STX8: variants seen among roughly 807,000 people sequenced by gnomAD.
STX8 encodes syntaxin-8.
Under a neutral mutation model 37.5 loss-of-function variants are expected in STX8, and 23 were observed. That is an observed-to-expected ratio of 0.61 (90% CI 0.44 to 0.87). STX8 has a LOEUF of 0.87. Among genes scored for constraint, STX8 ranks in the 40% least tolerant of loss-of-function variants. STX8 has a pLI of 0.00. For missense variants in STX8, 313 were observed against 284.7 expected (o/e 1.10, Z -0.71); for synonymous variants, 115 against 99.1 (o/e 1.16, Z -0.95).
intron 6 of STX8, among the ~76,000 whole-genome samples, chr17:9,455,209 A>G (rs1442461407): frequency 1.3e-5 from 2 of 151,794 alleles, no homozygotes; most frequent in African/African-American, 4.8e-5. Context: ...CTCTTAAAAA[A>G]CAAAACAAGG....
intron 6 of STX8, among the ~76,000 whole-genome samples, chr17:9,421,715 A>G (rs1913437630): frequency 6.6e-6 from 1 of 152,080 alleles, no homozygotes; most frequent in Non-Finnish European, 1.5e-5. Context: ...CCTCACTCCA[A>G]AAGGAAACCC....
At chr17:9,340,131 T>A (rs1432301660) in intron 7 of STX8, among the ~76,000 whole-genome samples, 1 of 152,242 alleles carries the variant, frequency 6.6e-6, no homozygotes, top group African/African-American at 2.4e-5. Flanking sequence ...AAATAGTTCA[T>A]TTGGAATGTG....
chr17:9,499,801 G>A (rs1291980176), intron 5 of STX8, among the ~76,000 whole-genome samples: 3 of 152,230 alleles, frequency 2.0e-5, no homozygotes, highest in Admixed American at 1.3e-4. Flanking sequence ...CCACAGGCCA[G>A]CAGGCTTCCC....
chr17:9,302,321 T>C (rs1441778361), intron 7 of STX8, among the ~76,000 whole-genome samples: 1 of 152,186 alleles, frequency 6.6e-6, no homozygotes, highest in Non-Finnish European at 1.5e-5. Context: ...TGGCAGACAT[T>C]TGCCTATTTA....
In STX8 at chr17:9,506,407, T is replaced by TCCCCCCCCCCCCCCCCCCCCC. The variant is rs57490676; in HGVS notation, c.324-1246_324-1245insGGGGGGGGGGGGGGGGGGGGG. Among the ~76,000 whole-genome samples, 13 of 39,356 alleles carry TCCCCCCCCCCCCCCCCCCCCC rather than the reference T, an allele frequency of 3.3e-4. 4 individuals are homozygous for TCCCCCCCCCCCCCCCCCCCCC. Among genetic ancestry groups the TCCCCCCCCCCCCCCCCCCCCC allele is most frequent in the Middle Eastern group, 0.031 (1 of 32 alleles). The allele number at this position is 39,356 out of a possible 152,430, so 25.8% of individuals were successfully genotyped here. ...TTAGAGTCAGCTGGTGCTCACCCGCTCCCCCCCCCCCCCACCCACCTTTCT... is the reference window on the plus strand; with the variant it reads ...TTAGAGTCAGCTGGTGCTCACCCGCTCCCCCCCCCCCCCCCCCCCCCCCCCCCCCCCCCCACCCACCTTTCT... On this transcript the variant is annotated intron_variant, in intron 4 of 7. Coordinates refer to ENST00000306357, the MANE Select transcript of STX8 (RefSeq NM_004853.3).
chr17:9,544,920 G>A (rs1442546189), intron 4 of STX8, among the ~76,000 whole-genome samples: 2 of 152,150 alleles, frequency 1.3e-5, no homozygotes, highest in African/African-American at 2.4e-5. Flanking sequence ...GTGGAAACCT[G>A]GGAGGTGGAG....
At chr17:9,287,787 C>T (rs182040641) in intron 7 of STX8, among the ~76,000 whole-genome samples, 112 of 151,838 alleles carry the variant, frequency 7.4e-4, no homozygotes, top group African/African-American at 2.6e-3. Flanking sequence ...GAGGCTCACT[C>T]GGTCGCCAGA....
Position 9,436,225 on chromosome 17 carries a change from G to A in STX8, c.541+55604C>T, listed in dbSNP as rs113978691. 6.4e-4 allele frequency among the ~76,000 whole-genome samples: 97 copies of A among 151,490 alleles called. 1 individual carries two copies. The highest frequency in any genetic ancestry group is 2.2e-3 in the African/African-American group (93 of 41,338). On this transcript the variant is annotated intron_variant, in intron 6 of 7. Coordinates refer to ENST00000306357, the MANE Select transcript of STX8 (RefSeq NM_004853.3). ...CTGGGAGTGGTGACGGGCGCCTGTA[G>A]TCCCAGCTACTTGGGGGGCTGAGGC... is the stretch of plus-strand genomic sequence containing the variant.
At chr17:9,521,915 C>T (rs971986843) in intron 4 of STX8, among the ~76,000 whole-genome samples, 16 of 152,254 alleles carry the variant, frequency 1.1e-4, no homozygotes, top group African/African-American at 3.9e-4. Flanking sequence ...AATTTAAAAG[C>T]AATCCTATTT....
chr17:9,475,573 C>T (rs979138531), intron 6 of STX8, among the ~76,000 whole-genome samples: 2 of 152,170 alleles, frequency 1.3e-5, no homozygotes, highest in African/African-American at 4.8e-5. Context: ...ACAGCCTTCT[C>T]TGGAGAGGAA....
chr17:9,438,148 CAGA>C (rs1303578560), intron 6 of STX8, among the ~76,000 whole-genome samples: 1 of 146,666 alleles, frequency 6.8e-6, no homozygotes. Flanking sequence ...AAGGCTGAGG[CAGA>C]AGAATTGCTT....
At chr17:9,282,774 AT>A (rs1249543037) in intron 7 of STX8, among the ~76,000 whole-genome samples, 2 of 152,200 alleles carry the variant, frequency 1.3e-5, no homozygotes, top group Admixed American at 6.5e-5. Flanking sequence ...CAGAATTGAG[AT>A]TCTCCTGCTC....
At chr17:9,409,074 C>T (rs1912895976) in intron 6 of STX8, among the ~76,000 whole-genome samples, 1 of 151,956 alleles carries the variant, frequency 6.6e-6, no homozygotes, top group South Asian at 2.1e-4. Context: ...CAGCCACTGC[C>T]CAACCCCCTG....
Position 9,559,116 on chromosome 17 carries a change from C to A in STX8, c.118-1588G>T, listed in dbSNP as rs192218852. ...AACCATGAAAGCACCATGGTTCTAT[C>A]TAAGTAGTGGGATTTTCTAATATTT... On this transcript the variant is annotated intron_variant, in intron 2 of 7. Transcript: ENST00000306357. Among the ~76,000 whole-genome samples the A allele has an allele frequency of 5.3e-5, 8 of 152,166 alleles. No homozygotes were observed. The East Asian group carries it at 1.5e-3, about 29-fold the overall frequency.
intron 6 of STX8, among the ~76,000 whole-genome samples, chr17:9,416,722 T>G (rs1014584505): frequency 5.3e-5 from 8 of 152,088 alleles, no homozygotes; most frequent in African/African-American, 1.9e-4. Flanking sequence ...AACCCCCTCC[T>G]TGCTCAGGGA....
intron 7 of STX8, among the ~76,000 whole-genome samples, chr17:9,370,457 G>A (rs1033813674): frequency 2.6e-5 from 4 of 152,200 alleles, no homozygotes; most frequent in Admixed American, 2.0e-4. Flanking sequence ...ACTGTCGGAC[G>A]CCACACCTGT....
chr17:9,552,799 C>G (rs1906820999), intron 3 of STX8: 1 of 151,826 alleles, frequency 6.6e-6, no homozygotes, highest in South Asian at 2.1e-4. Flanking sequence ...ACTACAGGCG[C>G]CCGCCACCAC....
intron 7 of STX8, among the ~76,000 whole-genome samples, chr17:9,315,117 CCAA>C (rs578170990): frequency 4.9e-4 from 70 of 142,742 alleles, no homozygotes; most frequent in African/African-American, 1.6e-3. Flanking sequence ...AAAAAAAAAA[CCAA>C]CAACAACAAC....
At chr17:9,471,723 G>A (rs370169863) in intron 6 of STX8, among the ~76,000 whole-genome samples, 13 of 152,180 alleles carry the variant, frequency 8.5e-5, no homozygotes, top group South Asian at 2.1e-4. Flanking sequence ...GTAATATGTC[G>A]CACGTGCTGT....
Sources: allele counts gnomAD v4.1 joint callset (sites outside exome capture counted in the v4.1 genomes callset), GRCh38; gene constraint gnomAD v4.1.1; transcripts MANE v1.5; gene names NCBI Gene and HGNC (gene_info 2026-07-23, HGNC 2026-07-21).